The following ATRX variants were observed in gnomAD, a reference collection of about 807,000 sequenced individuals.
ATRX encodes the protein chromatin remodeler ATRX.
ATRX carries 12 observed loss-of-function variants against 172.6 expected under a neutral mutation model. That is an observed-to-expected ratio of 0.07 (90% CI 0.04 to 0.11). The LOEUF is 0.11. Ranked by LOEUF, ATRX falls within the 10% of genes least tolerant of loss-of-function variation. The probability of loss-of-function intolerance (pLI) is 1.00; values close to 1 mark genes in which losing one functional copy is unlikely to be tolerated. For synonymous variants in ATRX, 674 were observed against 594.7 expected (o/e 1.13, Z -1.94); for missense variants, 1,368 against 1,767.4 (o/e 0.77, Z 4.05).
intron 1 of ATRX, among the ~76,000 whole-genome samples, chrX:77,725,399 T>C (rs2073985212): frequency 8.9e-6 from 1 of 111,912 alleles, no homozygotes; most frequent in Non-Finnish European, 1.9e-5. Flanking sequence ...CAAATGGTGC[T>C]GGGAAAACTG....
intron 2 of ATRX, among the ~76,000 whole-genome samples, chrX:77,705,387 C>T (rs1368188832): frequency 8.9e-6 from 1 of 112,016 alleles, no homozygotes; most frequent in Non-Finnish European, 1.9e-5. Context: ...CCTGCTTGCC[C>T]CTGGCTCCCA....
At chrX:77,621,707 T>A (rs2042996910) in intron 19 of ATRX, among the ~76,000 whole-genome samples, 1 of 112,297 alleles carries the variant, frequency 8.9e-6, no homozygotes, top group Non-Finnish European at 1.9e-5. Flanking sequence ...ACAAAGCAGC[T>A]GTCAAACTAT....
intron 30 of ATRX, among the ~76,000 whole-genome samples, chrX:77,535,370 G>A (rs191621054): frequency 3.3e-4 from 37 of 111,906 alleles, no homozygotes; most frequent in African/African-American, 1.2e-3. Flanking sequence ...TTAGGTGGAA[G>A]GTAAAAGCCT....
chrX:77,540,786 G>A (rs782620797), intron 30 of ATRX, among the ~76,000 whole-genome samples: 54 of 111,630 alleles, frequency 4.8e-4, no homozygotes, highest in Non-Finnish European at 8.5e-4. Flanking sequence ...AAGATACAAC[G>A]TATCAAAATC....
intron 22 of ATRX, among the ~76,000 whole-genome samples, chrX:77,604,386 A>G (rs2066815756): frequency 8.9e-6 from 1 of 112,692 alleles, no homozygotes; most frequent in Non-Finnish European, 1.9e-5. Flanking sequence ...GCCAACAAGC[A>G]TATGAAAAAA....
At chrX:77,603,718 T>C (rs782772234) in intron 22 of ATRX, among the ~76,000 whole-genome samples, 5 of 110,884 alleles carry the variant, frequency 4.5e-5, no homozygotes, top group Non-Finnish European at 7.5e-5. Flanking sequence ...ATCACATTAC[T>C]TGACTTCATA....
rs1335440582 is a variant in ATRX, at chrX:77,505,500, C to T, written c.*2851G>A. On this transcript the variant is annotated 3_prime_UTR_variant, in exon 35 of 35. Transcript: ENST00000373344. ...AACTAACACAAACACACATGGACTTCCTGGTATGTAAATTCTTTTTGAGAT... is the reference window on the plus strand; with the variant it reads ...AACTAACACAAACACACATGGACTTTCTGGTATGTAAATTCTTTTTGAGAT... 1 of 172,948 alleles carries T rather than the reference C, an allele frequency of 5.8e-6. No individual in the cohort carries two copies. The highest frequency in any genetic ancestry group is 3.0e-5 in the African/African-American group (1 of 33,733). The allele number at this position is 172,948 out of a possible 1,213,427, so 14.3% of individuals were successfully genotyped here. A position where few individuals can be genotyped will look rare whatever the true frequency, so the allele number is the denominator to read the frequency against.
intron 1 of ATRX, among the ~76,000 whole-genome samples, chrX:77,741,453 G>A (rs2074866457): frequency 9.3e-6 from 1 of 108,097 alleles, no homozygotes; most frequent in Admixed American, 1.0e-4. Context: ...GGGGGGGATT[G>A]CTTCATTTTG....
chrX:77,666,218 C>G (rs2070228980), intron 10 of ATRX, among the ~76,000 whole-genome samples: 1 of 111,800 alleles, frequency 8.9e-6, no homozygotes, highest in African/African-American at 3.2e-5. Context: ...GATGGGTTTG[C>G]TTTTCTGAGG....
At chrX:77,513,603 G>C (rs1224391311) in intron 34 of ATRX, among the ~76,000 whole-genome samples, 1 of 110,884 alleles carries the variant, frequency 9.0e-6, no homozygotes, top group East Asian at 2.9e-4. Flanking sequence ...ACTGGCTCTT[G>C]CCTCGGGCCT....
intron 30 of ATRX, among the ~76,000 whole-genome samples, chrX:77,538,018 A>G (rs965894918): frequency 9.1e-6 from 1 of 110,495 alleles, no homozygotes; most frequent in Admixed American, 9.8e-5. Context: ...GGAACAACAC[A>G]CGCTAGGGAC....
intron 28 of ATRX, among the ~76,000 whole-genome samples, chrX:77,572,569 A>G (rs948156878): frequency 1.8e-5 from 2 of 111,179 alleles, no homozygotes; most frequent in Admixed American, 1.9e-4. Flanking sequence ...ACTAGTCATC[A>G]AGTATAAATG....
At chrX:77,512,977 A>G (rs2062922270) in intron 34 of ATRX, among the ~76,000 whole-genome samples, 1 of 111,619 alleles carries the variant, frequency 9.0e-6, no homozygotes, top group Non-Finnish European at 1.9e-5. Context: ...AAACAACCAG[A>G]AAACAAATAA....
At chrX:77,764,167 A>G (rs1339068870) in intron 1 of ATRX, among the ~76,000 whole-genome samples, 8 of 112,002 alleles carry the variant, frequency 7.1e-5, no homozygotes, top group Non-Finnish European at 1.5e-4. Flanking sequence ...TCCGTATACT[A>G]TAGCCTAGAA....
At chrX:77,704,521 C>T (rs2072708462) in intron 2 of ATRX, among the ~76,000 whole-genome samples, 1 of 112,028 alleles carries the variant, frequency 8.9e-6, no homozygotes, top group Non-Finnish European at 1.9e-5. Context: ...AGGGACCTGC[C>T]ACCTTCCACT....
rs45573240 is a variant in ATRX, at chrX:77,561,615, T to C, written c.6327-2769A>G. On this transcript the variant is annotated intron_variant, in intron 28 of 34. Coordinates refer to ENST00000373344, the MANE Select transcript of ATRX (RefSeq NM_000489.6). Reference sequence around the variant, plus strand: ...CACTGTTAAACTGAACAAATTGTTCTATAAAGTAGTTATTCCAATTCATAT... The same window carrying C: ...CACTGTTAAACTGAACAAATTGTTCCATAAAGTAGTTATTCCAATTCATAT... 3 of 111,552 alleles carry C rather than the reference T, an allele frequency of 2.7e-5. No homozygotes were observed. The East Asian group carries it at 8.4e-4, about 31-fold the overall frequency. The allele number at this position is 111,552 out of a possible 1,213,427, so 9.2% of individuals were successfully genotyped here.
intron 26 of ATRX, among the ~76,000 whole-genome samples, chrX:77,593,174 T>C (rs1353221089): frequency 9.9e-6 from 1 of 100,767 alleles, no homozygotes; most frequent in Non-Finnish European, 2.0e-5. Flanking sequence ...CAGTAAGCTG[T>C]GATTGTGCCA....
At chrX:77,653,773 G>A (rs1454404013) in intron 14 of ATRX, among the ~76,000 whole-genome samples, 1 of 111,613 alleles carries the variant, frequency 9.0e-6, no homozygotes, top group Non-Finnish European at 1.9e-5. Flanking sequence ...ATTTCACTAT[G>A]AGAAGAAATT....
intron 1 of ATRX, among the ~76,000 whole-genome samples, chrX:77,746,885 C>G (rs1002598294): frequency 1.5e-4 from 17 of 111,014 alleles, no homozygotes; most frequent in African/African-American, 5.2e-4. Flanking sequence ...ACTGCAACCT[C>G]CACCTCCCGG....
Sources: gnomAD v4.1 joint callset for allele counts (sites outside exome capture counted in the v4.1 genomes callset) on GRCh38, gnomAD v4.1.1 for gene constraint, MANE v1.5 for transcripts, NCBI Gene and HGNC (gene_info 2026-07-23, HGNC 2026-07-21) for gene names.